The following RCOR1 variants were observed in gnomAD, a reference collection of about 807,000 sequenced individuals.
RCOR1 encodes the protein REST corepressor.
Under a neutral mutation model 64.0 loss-of-function variants are expected in RCOR1, and 12 were observed. The ratio of observed to expected loss-of-function variants is 0.19; its 90% confidence interval spans 0.12 to 0.30. The LOEUF (loss-of-function observed/expected upper bound fraction) is 0.30. RCOR1 is among the 10% of genes least tolerant of loss of function. RCOR1 has a pLI of 1.00. For missense variants in RCOR1, 502 were observed against 621.2 expected, an observed-to-expected ratio of 0.81 and a Z score of 2.04; for synonymous variants, 279 against 227.2, an observed-to-expected ratio of 1.23 and a Z score of -2.05.
chr14:102,714,951 T>C (rs1399328087), intron 8 of RCOR1, among the ~76,000 whole-genome samples: 1 of 152,170 alleles, frequency 6.6e-6, no homozygotes, highest in Non-Finnish European at 1.5e-5. Flanking sequence ...AAAAATGGAA[T>C]GTTGCCCCCA....
intron 2 of RCOR1, among the ~76,000 whole-genome samples, chr14:102,629,348 C>G (rs966370176): frequency 2.0e-5 from 3 of 151,964 alleles, no homozygotes; most frequent in Non-Finnish European, 4.4e-5. Flanking sequence ...AACACACTTC[C>G]TTATTTATCT....
At chr14:102,704,371 G>A (rs1895807765) in intron 4 of RCOR1, among the ~76,000 whole-genome samples, 1 of 152,106 alleles carries the variant, frequency 6.6e-6, no homozygotes, top group Non-Finnish European at 1.5e-5. Flanking sequence ...TTCATGTGTT[G>A]GATTTACTTT....
intron 2 of RCOR1, among the ~76,000 whole-genome samples, chr14:102,619,473 CTTTTTTTTT>C (rs35488660): frequency 1.1e-4 from 14 of 131,224 alleles, no homozygotes; most frequent in East Asian, 7.1e-4. Context: ...TCTATCTAAT[CTTTTTTTTT>C]TTTTTTTTTT....
At chr14:102,677,252 A>G (rs1299237492) in intron 2 of RCOR1, among the ~76,000 whole-genome samples, 7 of 100,400 alleles carry the variant, frequency 7.0e-5, no homozygotes, top group African/African-American at 1.8e-4. Context: ...CTGGCCGGGC[A>G]GAGGGGCTCC....
intron 11 of RCOR1, 122 bp from the exon 12 acceptor site, chr14:102,726,346 A>G: frequency 3.7e-6 from 3 of 810,050 alleles, no homozygotes; most frequent in Non-Finnish European, 3.9e-6. Context: ...AAAAAAAAAG[A>G]ACTCGGTGTT....
At position 102,641,630 on chromosome 14, in the gene RCOR1, G is replaced by A. The variant is rs147972700; in HGVS notation, c.362-40265G>A. ...AAAAAAAAATAATAATATTTATGCCGTTTTTTTGTACCAGCTACTATGATA... is the reference window on the plus strand; with the variant it reads ...AAAAAAAAATAATAATATTTATGCCATTTTTTTGTACCAGCTACTATGATA... On this transcript the variant is annotated intron_variant, in intron 2 of 11. Transcript: ENST00000262241. Among the ~76,000 whole-genome samples, 298 of 152,076 alleles carry A rather than the reference G, an allele frequency of 2.0e-3. 1 individual carries two copies. Among genetic ancestry groups the A allele is most frequent in the Admixed American group, 5.4e-3 (82 of 15,258 alleles).
At chr14:102,708,687 C>G in intron 6 of RCOR1, 104 bp downstream of exon 6, 2 of 667,292 alleles carry the variant, frequency 3.0e-6, no homozygotes, top group Admixed American at 2.5e-5. Context: ...CCGCGCCTTC[C>G]TGGTGGAACC....
chr14:102,728,470 T>A lies in RCOR1; in HGVS notation c.*1964T>A, dbSNP rs1186159186. On this transcript the variant is annotated 3_prime_UTR_variant, in exon 12 of 12. Transcript: ENST00000262241. The stretch of plus-strand genomic sequence containing the variant: ...ACATTGCATAAAGGGTACACTAAGG[T>A]ATGAGCTGAAGCTTTAGGTTCTCCG... 6.6e-6 allele frequency: 1 copy of A among 152,104 alleles called. No homozygotes were observed. Among genetic ancestry groups the A allele is most frequent in the Non-Finnish European group, 1.5e-5 (1 of 68,024 alleles). The allele number at this position is 152,104 out of a possible 1,614,324, so 9.4% of individuals were successfully genotyped here. A position where few individuals can be genotyped will look rare whatever the true frequency, so the allele number is the denominator to read the frequency against.
At chr14:102,621,367 CTTTTTTTTT>C (rs35481023) in intron 2 of RCOR1, among the ~76,000 whole-genome samples, 10 of 78,516 alleles carry the variant, frequency 1.3e-4, no homozygotes, top group Non-Finnish European at 1.6e-4. Context: ...CAGTCTTTGT[CTTTTTTTTT>C]TTTTTTTTTT....
intron 2 of RCOR1, among the ~76,000 whole-genome samples, chr14:102,678,355 A>C (rs1245821640): frequency 6.6e-6 from 1 of 151,836 alleles, no homozygotes; most frequent in African/African-American, 2.4e-5. Flanking sequence ...GCTGGAGTGC[A>C]GTGGCGCGAT....
At chr14:102,639,742 G>A (rs541615414) in intron 2 of RCOR1, among the ~76,000 whole-genome samples, 53 of 151,460 alleles carry the variant, frequency 3.5e-4, no homozygotes, top group Admixed American at 7.2e-4. Flanking sequence ...CATGTTGGCC[G>A]GGCTGGTCTT....
At chr14:102,611,328 C>G (rs1285410465) in intron 2 of RCOR1, among the ~76,000 whole-genome samples, 3 of 152,168 alleles carry the variant, frequency 2.0e-5, no homozygotes, top group Admixed American at 2.0e-4. Context: ...TTTGGCCTCC[C>G]AAAGTGTAGG....
chr14:102,604,797 C>G (rs1346003626), intron 2 of RCOR1, among the ~76,000 whole-genome samples: 1 of 151,994 alleles, frequency 6.6e-6, no homozygotes, highest in East Asian at 1.9e-4. Flanking sequence ...AGAGAAAACA[C>G]TTAGGCTGGG....
chr14:102,595,215 CATTT>C (rs777812611), intron 2 of RCOR1, among the ~76,000 whole-genome samples: 3 of 152,210 alleles, frequency 2.0e-5, no homozygotes, highest in Non-Finnish European at 2.9e-5. Flanking sequence ...AAATGGAAAA[CATTT>C]ATCAGATTGC....
intron 2 of RCOR1, among the ~76,000 whole-genome samples, chr14:102,616,947 A>G (rs1056203545): frequency 5.3e-5 from 8 of 152,260 alleles, no homozygotes; most frequent in Non-Finnish European, 1.5e-5. Context: ...AACGGTTGCC[A>G]GCTATTGGTC....
chr14:102,706,378 G>A (rs780994521), intron 4 of RCOR1, among the ~76,000 whole-genome samples: 11 of 151,886 alleles, frequency 7.2e-5, no homozygotes, highest in Non-Finnish European at 1.2e-4. Context: ...GGTGGAAAAT[G>A]GTATCCCATG....
chr14:102,621,751 G>A (rs1893877493), intron 2 of RCOR1, among the ~76,000 whole-genome samples: 1 of 152,112 alleles, frequency 6.6e-6, no homozygotes, highest in Admixed American at 6.6e-5. Flanking sequence ...GAATTTGACT[G>A]TAAAACAGTC....
intron 3 of RCOR1, among the ~76,000 whole-genome samples, chr14:102,691,589 A>C (rs115504517): frequency 3.2e-4 from 48 of 152,376 alleles, no homozygotes; most frequent in African/African-American, 1.1e-3. Context: ...GAAACTTGTG[A>C]TTAAAATGAG....
At chr14:102,659,462 C>A (rs1894789988) in intron 2 of RCOR1, among the ~76,000 whole-genome samples, 1 of 152,254 alleles carries the variant, frequency 6.6e-6, no homozygotes, top group African/African-American at 2.4e-5. Context: ...GGACAAGGAA[C>A]CAATTCTGGC....
Sources: gnomAD v4.1 joint callset for allele counts (sites outside exome capture counted in the v4.1 genomes callset) on GRCh38, gnomAD v4.1.1 for gene constraint, MANE v1.5 for transcripts, NCBI Gene and HGNC (gene_info 2026-07-23, HGNC 2026-07-21) for gene names.